C8orf34: variants seen among roughly 807,000 people sequenced by gnomAD.
C8orf34 encodes the protein uncharacterized protein C8orf34.
C8orf34 carries 65 observed loss-of-function variants against 68.3 expected under a neutral mutation model. The ratio of observed to expected loss-of-function variants is 0.95; its 90% CI spans 0.78 to 1.17. The LOEUF is 1.17. Ranked by LOEUF, C8orf34 falls within the 50% of genes most tolerant of loss-of-function variation. The probability of loss-of-function intolerance (pLI) is 0.00; values close to 1 mark genes in which losing one functional copy is unlikely to be tolerated. For synonymous variants in C8orf34, 244 were observed against 241.2 expected, an observed-to-expected ratio of 1.01 and a Z score of -0.11; for missense variants, 664 against 655.4, an observed-to-expected ratio of 1.01 and a Z score of -0.14.
intron 7 of C8orf34, among the ~76,000 whole-genome samples, chr8:68,568,387 A>G (rs1369658528): frequency 2.0e-5 from 3 of 152,102 alleles, no homozygotes. Context: ...TGCAAGTGAG[A>G]GACTTGCAAC....
chr8:68,445,997 G>A (rs927073243), intron 2 of C8orf34, among the ~76,000 whole-genome samples: 2 of 152,028 alleles, frequency 1.3e-5, no homozygotes, highest in African/African-American at 2.4e-5. Flanking sequence ...TCACCATACT[G>A]GTCAGGTTGG....
Position 68,622,393 on chromosome 8 carries a change from G to A in C8orf34, c.1106-17983G>A, listed in dbSNP as rs984884260. ...AGTCATCCTGACACAAGTGTGTTCA[G>A]CATATTAATATCTACTAACCTCTTC... On this transcript the variant is annotated intron_variant, in intron 7 of 13. Coordinates refer to ENST00000518698, the MANE Select transcript of C8orf34 (RefSeq NM_052958.4). Among the ~76,000 whole-genome samples, 3 of 152,074 alleles carry A rather than the reference G, an allele frequency of 2.0e-5. No individual in the cohort carries two copies. In the East Asian group the frequency reaches 5.8e-4, roughly 29 times the overall value.
At chr8:68,739,122 G>A (rs181707582) in intron 10 of C8orf34, among the ~76,000 whole-genome samples, 15 of 152,236 alleles carry the variant, frequency 9.9e-5, no homozygotes, top group Admixed American at 4.6e-4. Context: ...TCCCTGGGAC[G>A]CATGGTTGGT....
intron 7 of C8orf34, among the ~76,000 whole-genome samples, chr8:68,581,920 C>G (rs1463205690): frequency 1.3e-5 from 2 of 152,114 alleles, no homozygotes; most frequent in Non-Finnish European, 2.9e-5. Context: ...TCTTCCAACT[C>G]CTGTGATATT....
intron 3 of C8orf34, among the ~76,000 whole-genome samples, chr8:68,457,220 G>A (rs374731211): frequency 3.7e-4 from 57 of 152,098 alleles, no homozygotes; most frequent in African/African-American, 1.0e-3. Flanking sequence ...CTGTCATTGA[G>A]AGTATATATG....
At chr8:68,717,417 C>T (rs1391522480) in intron 9 of C8orf34, among the ~76,000 whole-genome samples, 1 of 151,212 alleles carries the variant, frequency 6.6e-6, no homozygotes, top group Admixed American at 6.6e-5. Context: ...GGCATGAACC[C>T]GGAAGGAGGA....
intron 5 of C8orf34, among the ~76,000 whole-genome samples, chr8:68,502,948 G>C (rs1184709173): frequency 1.3e-5 from 2 of 152,180 alleles, no homozygotes; most frequent in African/African-American, 4.8e-5. Context: ...ACAAGGAGCA[G>C]AGGAACGTTT....
intron 10 of C8orf34, among the ~76,000 whole-genome samples, chr8:68,747,069 G>A (rs1393703958): frequency 9.3e-5 from 14 of 151,192 alleles, no homozygotes; most frequent in East Asian, 1.9e-4. Flanking sequence ...GGGATGCAAG[G>A]CTGGTTCAAT....
At chr8:68,772,432 A>C (rs901407954) in intron 10 of C8orf34, among the ~76,000 whole-genome samples, 3 of 152,184 alleles carry the variant, frequency 2.0e-5, no homozygotes, top group African/African-American at 7.2e-5. Flanking sequence ...TCTCACTGAG[A>C]ATGTTTCCTT....
intron 6 of C8orf34, among the ~76,000 whole-genome samples, chr8:68,529,455 T>A (rs981629700): frequency 5.3e-5 from 8 of 152,340 alleles, no homozygotes; most frequent in African/African-American, 1.9e-4. Context: ...CAAAATGCTC[T>A]GACAATGAAA....
At position 68,818,384 on chromosome 8, in the gene C8orf34, A is replaced by G. The variant is rs750803800; in HGVS notation, c.*138A>G. On this transcript the variant is annotated 3_prime_UTR_variant, in exon 14 of 14. Coordinates refer to ENST00000518698, the MANE Select transcript of C8orf34 (RefSeq NM_052958.4). ...ATAATCTCAATAATAAACAAGTACTATCGTAGCCAGGGGGTGCCCAAGTAT... is the reference window on the plus strand; with the variant it reads ...ATAATCTCAATAATAAACAAGTACTGTCGTAGCCAGGGGGTGCCCAAGTAT... 10 of 1,003,484 alleles carry G rather than the reference A, an allele frequency of 1.0e-5. No individual in the cohort carries two copies. Among genetic ancestry groups the G allele is most frequent in the Admixed American group, 6.3e-5 (3 of 47,442 alleles). 62.2% of individuals were successfully genotyped at this position (1,003,484 alleles called of 1,614,324 possible).
chr8:68,468,608 G>C, intron 3 of C8orf34, 84 bp from the exon 4 acceptor site: 1 of 1,368,890 alleles, frequency 7.3e-7, no homozygotes, highest in Non-Finnish European at 1.0e-6. Context: ...ATTGATCTTG[G>C]TACAGTCTTT....
intron 9 of C8orf34, 87 bp from the exon 10 acceptor site, chr8:68,721,274 T>G: frequency 1.2e-6 from 1 of 832,082 alleles, no homozygotes; most frequent in Non-Finnish European, 1.9e-6. Flanking sequence ...TTCCATCATT[T>G]TATTCTTCTC....
At chr8:68,433,918 A>G (rs1810549900) in intron 1 of C8orf34, among the ~76,000 whole-genome samples, 1 of 152,138 alleles carries the variant, frequency 6.6e-6, no homozygotes, top group Non-Finnish European at 1.5e-5. Flanking sequence ...GATCATTGTT[A>G]CTAGTTAGTA....
At chr8:68,373,614 C>G (rs917059435) in intron 1 of C8orf34, among the ~76,000 whole-genome samples, 1 of 152,090 alleles carries the variant, frequency 6.6e-6, no homozygotes, top group Non-Finnish European at 1.5e-5. Context: ...ATTCTGTTTC[C>G]CATTACTATG....
chr8:68,543,915 T>A (rs1815783391), intron 7 of C8orf34, among the ~76,000 whole-genome samples: 1 of 152,066 alleles, frequency 6.6e-6, no homozygotes, highest in Non-Finnish European at 1.5e-5. Context: ...GTTTGGTTCT[T>A]GAGAGTAGGG....
chr8:68,515,201 G>A (rs2129633639), intron 5 of C8orf34, among the ~76,000 whole-genome samples: 1 of 151,402 alleles, frequency 6.6e-6, no homozygotes, highest in East Asian at 1.9e-4. Flanking sequence ...TAATTATTTG[G>A]GAAGCCTTTC....
At chr8:68,790,932 G>A (rs1823977659) in intron 12 of C8orf34, 9 of 676,012 alleles carry the variant, frequency 1.3e-5, no homozygotes, top group Non-Finnish European at 2.1e-5. Context: ...TGAGTCAGAG[G>A]GTTATGTTTT....
intron 5 of C8orf34, among the ~76,000 whole-genome samples, chr8:68,492,494 A>T (rs550660157): frequency 6.6e-6 from 1 of 151,958 alleles, no homozygotes; most frequent in African/African-American, 2.4e-5. Flanking sequence ...CTCCCAAGGG[A>T]TTTTGTGCAT....
Sources: allele counts gnomAD v4.1 joint callset (sites outside exome capture counted in the v4.1 genomes callset), GRCh38; gene constraint gnomAD v4.1.1; transcripts MANE v1.5; gene names NCBI Gene and HGNC (gene_info 2026-07-23, HGNC 2026-07-21).